The following SLC9C1 variants were observed in gnomAD, a reference collection of about 807,000 sequenced individuals.
The protein encoded by SLC9C1 is sodium/hydrogen exchanger 10.
In SLC9C1, 97 loss-of-function variants were observed where a neutral mutation model predicts 140.9. The ratio of observed to expected loss-of-function variants is 0.69; its 90% CI spans 0.58 to 0.82. SLC9C1 has a LOEUF of 0.82. SLC9C1 is among the 40% of genes least tolerant of loss of function. The pLI is 0.00. For missense variants in SLC9C1, 1,340 were observed against 1,389.3 expected (o/e 0.96, Z 0.56); for synonymous variants, 440 against 442.6 (o/e 0.99, Z 0.07).
chr3:112,197,682 G>A (rs13087387), intron 20 of SLC9C1, among the ~76,000 whole-genome samples: 45,174 of 152,058 alleles, frequency 0.3, 7,307 homozygotes, highest in East Asian at 0.45. Flanking sequence ...TGTCTAAAAG[G>A]AGAGACAGAT....
intron 13 of SLC9C1, among the ~76,000 whole-genome samples, chr3:112,228,385 A>G (rs2078735731): frequency 1.3e-5 from 2 of 152,136 alleles, no homozygotes; most frequent in Admixed American, 1.3e-4. Flanking sequence ...CCTTTATATG[A>G]AAATAAACTC....
rs1286502545 is a variant in SLC9C1 at position 112,164,596 on chromosome 3, TG to T, written c.3364+2624del. Among the ~76,000 whole-genome samples, 18 of 151,022 alleles carry T rather than the reference TG, an allele frequency of 1.2e-4. No individual in the cohort carries two copies. The East Asian group carries it at 3.6e-3, about 30-fold the overall frequency. ...TCTTTTCTTTAAGAATGTTGAATAT[TG>T]GCCCCCACTCTCTTCTTGCTTGTAG... On this transcript the variant is annotated intron_variant, in intron 26 of 28. Coordinates refer to ENST00000305815, the MANE Select transcript of SLC9C1 (RefSeq NM_183061.3).
intron 10 of SLC9C1, among the ~76,000 whole-genome samples, chr3:112,244,291 A>G (rs776156743): frequency 6.6e-6 from 1 of 152,196 alleles, no homozygotes; most frequent in Non-Finnish European, 1.5e-5. Context: ...TTTTGTTACC[A>G]AACCGAAATT....
intron 13 of SLC9C1, among the ~76,000 whole-genome samples, chr3:112,224,449 A>G (rs915068565): frequency 6.6e-6 from 1 of 152,192 alleles, no homozygotes; most frequent in African/African-American, 2.4e-5. Context: ...GGAACACAAT[A>G]GTTCACCAGC....
chr3:112,191,988 C>G lies in SLC9C1; in HGVS notation c.2523+7333G>C, dbSNP rs148017514. 1.1e-3 allele frequency among the ~76,000 whole-genome samples: 167 copies of G among 151,664 alleles called. 1 individual carries two copies. The East Asian group carries it at 0.025, about 23-fold the overall frequency. On this transcript the variant is annotated intron_variant, in intron 20 of 28. Transcript: ENST00000305815. ...ATTTTTTTATTCTATTCTAATTCTT[C>G]ACTATTTGATTATTATGGATTTATA...
At chr3:112,257,701 T>A (rs1351967509) in intron 10 of SLC9C1, among the ~76,000 whole-genome samples, 1 of 152,058 alleles carries the variant, frequency 6.6e-6, no homozygotes, top group Admixed American at 6.6e-5. Context: ...TTGATAAAAT[T>A]GATCTAATTA....
chr3:112,141,179 G>T lies in SLC9C1; in HGVS notation c.*93C>A. Reference sequence around the variant, plus strand: ...TCATCCACACAGGATCCAACCTGAAGTTACTCCTTCTTGATGTAGGGAAGT... The same window carrying T: ...TCATCCACACAGGATCCAACCTGAATTTACTCCTTCTTGATGTAGGGAAGT... On this transcript the variant is annotated 3_prime_UTR_variant, in exon 29 of 29. Coordinates refer to ENST00000305815, the MANE Select transcript of SLC9C1 (RefSeq NM_183061.3). 7.5e-7 allele frequency: 1 copy of T among 1,328,772 alleles called. No individual in the cohort carries two copies. Among genetic ancestry groups the T allele is most frequent in the Non-Finnish European group, 1.0e-6 (1 of 999,198 alleles). The allele number at this position is 1,328,772 out of a possible 1,614,324, so 82.3% of individuals were successfully genotyped here.
At chr3:112,269,617 A>AT (rs1352545741) in intron 7 of SLC9C1, among the ~76,000 whole-genome samples, 6 of 152,116 alleles carry the variant, frequency 3.9e-5, no homozygotes, top group South Asian at 2.1e-4. Flanking sequence ...AACCATAATC[A>AT]TTTTTTGTTC....
intron 12 of SLC9C1, among the ~76,000 whole-genome samples, chr3:112,234,518 T>C (rs1254037907): frequency 6.6e-6 from 1 of 152,196 alleles, no homozygotes; most frequent in Non-Finnish European, 1.5e-5. Flanking sequence ...TTTGTTGCCA[T>C]TGCTTTTGGT....
chr3:112,241,061 A>C (rs528349834), intron 11 of SLC9C1, among the ~76,000 whole-genome samples: 359 of 152,344 alleles, frequency 2.4e-3, no homozygotes, highest in Non-Finnish European at 4.4e-3. Flanking sequence ...ACTATTTGAC[A>C]ACACAATAAG....
chr3:112,259,014 A>G (rs975547476), intron 10 of SLC9C1, among the ~76,000 whole-genome samples: 1 of 152,158 alleles, frequency 6.6e-6, no homozygotes, highest in Non-Finnish European at 1.5e-5. Context: ...ATCCACCCCC[A>G]TGATCCAGTC....
Position 112,239,845 on chromosome 3 carries a change from A to G in SLC9C1, c.1441T>C (p.Tyr481His). 6.2e-7 allele frequency: 1 copy of G among 1,610,080 alleles called. No homozygotes were observed. Among genetic ancestry groups the G allele is most frequent in the Non-Finnish European group, 8.5e-7 (1 of 1,178,624 alleles). ...AAAAGATATTACTTGCTTACCATGT[A>G]TGGGTTTTCAAGTGTAATTGCTTTC... ...IEKAITLENP[Y>H]MLNEEETTEH... Residue 481 changes from tyrosine to histidine, a missense_variant, in exon 12 of 29, where the codon TAC becomes CAC. Coordinates refer to ENST00000305815, the MANE Select transcript of SLC9C1 (RefSeq NM_183061.3).
chr3:112,176,987 G>GTT (rs2077349143), intron 23 of SLC9C1, among the ~76,000 whole-genome samples: 2 of 138,740 alleles, frequency 1.4e-5, no homozygotes, highest in African/African-American at 5.5e-5. Flanking sequence ...GACTCCTGGT[G>GTT]TCTCTCTCTC....
intron 2 of SLC9C1, among the ~76,000 whole-genome samples, 178 bp from the exon 3 acceptor site, chr3:112,280,961 G>A (rs373593779): frequency 9.9e-4 from 151 of 152,130 alleles, no homozygotes; most frequent in South Asian, 2.3e-3. Flanking sequence ...AATCTACCGG[G>A]TTACTGTTTT....
At chr3:112,178,416 C>G (rs1184064960) in intron 23 of SLC9C1, among the ~76,000 whole-genome samples, 1 of 152,168 alleles carries the variant, frequency 6.6e-6, no homozygotes, top group Non-Finnish European at 1.5e-5. Context: ...GTATAAGCCA[C>G]CATGTCTGCT....
chr3:112,250,374 C>G (rs1340374653), intron 10 of SLC9C1, among the ~76,000 whole-genome samples: 1 of 149,856 alleles, frequency 6.7e-6, no homozygotes, highest in Non-Finnish European at 1.5e-5. Context: ...AATAAACATA[C>G]CTGTGCATGT....
At position 112,240,309 on chromosome 3, in the gene SLC9C1, A is replaced by C. The variant is rs2079106764; in HGVS notation, c.1280-303T>G. 2.0e-5 allele frequency among the ~76,000 whole-genome samples: 3 copies of C among 152,234 alleles called. No individual in the cohort carries two copies. In the South Asian group the frequency reaches 6.2e-4, roughly 31 times the overall value. ...GGTTATTTGGCCACCTTTTGAGGTG[A>C]GTCCTTTTTCCCAGTTTGATATATG... On this transcript the variant is annotated intron_variant, in intron 11 of 28. Coordinates refer to ENST00000305815, the MANE Select transcript of SLC9C1 (RefSeq NM_183061.3).
chr3:112,180,578 A>C lies in SLC9C1; in HGVS notation c.2734T>G (p.Ser912Ala), dbSNP rs980591346. The change falls in exon 22 of 29, where the codon TCA becomes GCA. Residue 912 changes from serine to alanine, a missense_variant. Physicochemically the swap from Ser to Ala is moderately conservative, Grantham distance 99. Coordinates refer to ENST00000305815, the MANE Select transcript of SLC9C1 (RefSeq NM_183061.3). Reference sequence around the variant, plus strand: ...CTCTGCCTTACCTTTACCATGCCTGAAATAATGATATAGATTCCTTTGGGC... The same window carrying C: ...CTCTGCCTTACCTTTACCATGCCTGCAATAATGATATAGATTCCTTTGGGC... ...DEPKGIYIII[S>A]GMVKLEKSKP... 6.2e-7 allele frequency: 1 copy of C among 1,608,366 alleles called. No homozygotes were observed. The highest frequency in any genetic ancestry group is 1.3e-5 in the African/African-American group (1 of 74,572).
chr3:112,144,407 G>T (rs2074724914), intron 28 of SLC9C1, among the ~76,000 whole-genome samples: 1 of 151,944 alleles, frequency 6.6e-6, no homozygotes, highest in South Asian at 2.1e-4. Flanking sequence ...CCAAACTCCT[G>T]ACCTTGGCGT....
Sources: gnomAD v4.1 joint callset for allele counts (sites outside exome capture counted in the v4.1 genomes callset) on GRCh38, gnomAD v4.1.1 for gene constraint, MANE v1.5 for transcripts, NCBI Gene and HGNC (gene_info 2026-07-23, HGNC 2026-07-21) for gene names.